The following TMEM123 variants were observed in gnomAD, a reference collection of about 807,000 sequenced individuals.
TMEM123 encodes transmembrane protein 123.
Under a neutral mutation model 19.7 loss-of-function variants are expected in TMEM123, and 16 were observed. The ratio of observed to expected loss-of-function variants is 0.81; its 90% CI spans 0.55 to 1.23. The LOEUF (loss-of-function observed/expected upper bound fraction) is 1.23, where lower values mean the gene tolerates loss of function less well. Ranked by LOEUF, TMEM123 falls within the 50% of genes most tolerant of loss-of-function variation. The pLI is 0.00. For missense variants in TMEM123, 313 were observed against 257.8 expected (o/e 1.21, Z -1.47); for synonymous variants, 118 against 99.4 (o/e 1.19, Z -1.12).
chr11:102,409,795 G>A (rs1951987649), intron 2 of TMEM123, among the ~76,000 whole-genome samples: 1 of 151,892 alleles, frequency 6.6e-6, no homozygotes, highest in Non-Finnish European at 1.5e-5. Flanking sequence ...AACCTGGGAG[G>A]CAGAGGTTGC....
chr11:102,415,912 A>C (rs1952041044), intron 2 of TMEM123, among the ~76,000 whole-genome samples: 1 of 25,384 alleles, frequency 3.9e-5, no homozygotes, highest in South Asian at 1.7e-3. Flanking sequence ...TATTATTATT[A>C]TTATTATCAT....
intron 2 of TMEM123, among the ~76,000 whole-genome samples, chr11:102,440,878 A>G (rs910101772): frequency 6.6e-6 from 1 of 152,178 alleles, no homozygotes; most frequent in African/African-American, 2.4e-5. Flanking sequence ...AACAAAAAAA[A>G]GCAGGGGTTG....
chr11:102,415,815 T>G (rs931303554), intron 2 of TMEM123, among the ~76,000 whole-genome samples: 7 of 151,954 alleles, frequency 4.6e-5, no homozygotes, highest in Admixed American at 1.3e-4. Context: ...AGAAAAGAAA[T>G]AACCAAAATC....
chr11:102,401,809 T>C, intron 3 of TMEM123, 107 bp downstream of exon 3: 1 of 1,494,370 alleles, frequency 6.7e-7, no homozygotes, highest in Middle Eastern at 2.0e-4. Context: ...AAGGGAAATC[T>C]AGGCATATAA....
intron 2 of TMEM123, among the ~76,000 whole-genome samples, chr11:102,418,218 G>A (rs1952057379): frequency 6.6e-6 from 1 of 152,114 alleles, no homozygotes; most frequent in Admixed American, 6.5e-5. Flanking sequence ...CTTCTGTACT[G>A]CAAAAGAAAC....
intron 2 of TMEM123, among the ~76,000 whole-genome samples, chr11:102,425,150 C>T (rs949266148): frequency 6.6e-6 from 1 of 152,192 alleles, no homozygotes; most frequent in Non-Finnish European, 1.5e-5. Flanking sequence ...GAGGCTTTTA[C>T]GCCAACCAGT....
chr11:102,427,013 G>A (rs184622369), intron 2 of TMEM123, among the ~76,000 whole-genome samples: 1 of 150,726 alleles, frequency 6.6e-6, no homozygotes, highest in African/African-American at 2.4e-5. Flanking sequence ...ATGTATTACT[G>A]TCTATTACAG....
chr11:102,416,488 A>G (rs1952044779), intron 2 of TMEM123, among the ~76,000 whole-genome samples: 1 of 152,172 alleles, frequency 6.6e-6, no homozygotes, highest in South Asian at 2.1e-4. Context: ...GAACAGATCA[A>G]TAATGAGTTC....
chr11:102,400,066 T>C (rs1202456381), intron 4 of TMEM123, among the ~76,000 whole-genome samples: 1 of 152,254 alleles, frequency 6.6e-6, no homozygotes, highest in African/African-American at 2.4e-5. Flanking sequence ...GCGATGTTTA[T>C]TTAGAGCTTA....
Position 102,452,653 on chromosome 11 carries a change from T to C in TMEM123, c.-30A>G. 1 of 1,448,830 alleles carries C rather than the reference T, an allele frequency of 6.9e-7. No homozygotes were observed. The highest frequency in any genetic ancestry group is 1.4e-5 in the South Asian group (1 of 73,906). The allele number at this position is 1,448,830 out of a possible 1,614,324, so 89.7% of individuals were successfully genotyped here. A position where few individuals can be genotyped will look rare whatever the true frequency, so the allele number is the denominator to read the frequency against. On this transcript the variant is annotated 5_prime_UTR_variant, in exon 1 of 5. Coordinates refer to ENST00000398136, the MANE Select transcript of TMEM123 (RefSeq NM_052932.3). ...CCGAGGGCAGGATGCGGCAGCCTCG[T>C]GGGCTCCCAGCCGAGGTGGCGGCGG...
At chr11:102,407,433 T>TG in intron 2 of TMEM123, among the ~76,000 whole-genome samples, 1 of 152,334 alleles carries the variant, frequency 6.6e-6, no homozygotes, top group East Asian at 1.9e-4. Flanking sequence ...GACATACAGT[T>TG]GTCCATGCTC....
intron 2 of TMEM123, among the ~76,000 whole-genome samples, chr11:102,412,420 T>C (rs1952013169): frequency 6.6e-6 from 1 of 152,088 alleles, no homozygotes. Context: ...AGTGCAAAAC[T>C]CCATTTCAAA....
At chr11:102,439,045 C>T (rs1442838486) in intron 2 of TMEM123, among the ~76,000 whole-genome samples, 1 of 152,164 alleles carries the variant, frequency 6.6e-6, no homozygotes, top group Admixed American at 6.5e-5. Flanking sequence ...GGGGGAGGGG[C>T]GTCCGCCAGT....
chr11:102,408,550 T>C (rs1377865536), intron 2 of TMEM123, among the ~76,000 whole-genome samples: 2 of 152,252 alleles, frequency 1.3e-5, no homozygotes, highest in Non-Finnish European at 2.9e-5. Context: ...AAATCAGGGC[T>C]ATCACAAGAG....
chr11:102,440,355 C>G (rs550262744), intron 2 of TMEM123, among the ~76,000 whole-genome samples: 1 of 152,332 alleles, frequency 6.6e-6, no homozygotes, highest in East Asian at 1.9e-4. Context: ...GATGTCTCGG[C>G]AGAAACTCCA....
chr11:102,446,357 A>C (rs536757379), intron 2 of TMEM123, among the ~76,000 whole-genome samples: 1 of 152,352 alleles, frequency 6.6e-6, no homozygotes, highest in African/African-American at 2.4e-5. Flanking sequence ...AGCTGTCTTC[A>C]AATAATGATT....
At chr11:102,412,472 G>C (rs1170984788) in intron 2 of TMEM123, among the ~76,000 whole-genome samples, 1 of 152,004 alleles carries the variant, frequency 6.6e-6, no homozygotes, top group Non-Finnish European at 1.5e-5. Context: ...AAAAGACAGA[G>C]ATTATGAGAC....
At chr11:102,407,607 T>C (rs1305456510) in intron 2 of TMEM123, among the ~76,000 whole-genome samples, 15 of 152,172 alleles carry the variant, frequency 9.9e-5, no homozygotes, top group Admixed American at 9.8e-4. Context: ...TTGGTGACCT[T>C]ATTAAAAGTG....
At chr11:102,417,610 A>G (rs1952052503) in intron 2 of TMEM123, among the ~76,000 whole-genome samples, 1 of 152,014 alleles carries the variant, frequency 6.6e-6, no homozygotes, top group Admixed American at 6.6e-5. Flanking sequence ...AGTGCTATTG[A>G]TATCAAACCA....
Sources: allele counts gnomAD v4.1 joint callset (sites outside exome capture counted in the v4.1 genomes callset), GRCh38; gene constraint gnomAD v4.1.1; transcripts MANE v1.5; gene names NCBI Gene and HGNC (gene_info 2026-07-23, HGNC 2026-07-21).